The following RBMS3 variants were observed in gnomAD, a reference collection of about 807,000 sequenced individuals.
RBMS3 encodes the protein RNA binding motif single stranded interacting protein 3.
RBMS3 carries 27 observed loss-of-function variants against 66.8 expected under a neutral mutation model. The observed-to-expected ratio is 0.40, with a 90% confidence interval of 0.30 to 0.56. The LOEUF (loss-of-function observed/expected upper bound fraction) is 0.56. Among genes scored for constraint, RBMS3 ranks in the 20% least tolerant of loss-of-function variants. The probability of loss-of-function intolerance (pLI) is 0.40; values close to 1 mark genes in which losing one functional copy is unlikely to be tolerated. For synonymous variants in RBMS3, 188 were observed against 183.0 expected, an observed-to-expected ratio of 1.03 and a Z score of -0.22; for missense variants, 513 against 549.5, an observed-to-expected ratio of 0.93 and a Z score of 0.66.
chr3:29,674,886 A>G (rs1306338524), intron 4 of RBMS3, among the ~76,000 whole-genome samples: 1 of 152,208 alleles, frequency 6.6e-6, no homozygotes, highest in African/African-American at 2.4e-5. Context: ...CTTTCTTCAC[A>G]GAATTGGAAA....
intron 4 of RBMS3, among the ~76,000 whole-genome samples, chr3:29,720,183 C>A (rs556764108): frequency 5.3e-5 from 8 of 152,198 alleles, no homozygotes; most frequent in South Asian, 4.2e-4. Context: ...GCCTGAGAAA[C>A]GTGGCCTTTT....
intron 14 of RBMS3, among the ~76,000 whole-genome samples, chr3:29,997,081 G>A (rs1171301729): frequency 6.6e-6 from 1 of 151,166 alleles, no homozygotes; most frequent in Non-Finnish European, 1.5e-5. Context: ...AATGATAAAG[G>A]GGATATCACC....
intron 1 of RBMS3, among the ~76,000 whole-genome samples, chr3:29,351,096 A>T (rs777898048): frequency 6.6e-5 from 10 of 151,900 alleles, no homozygotes; most frequent in Admixed American, 1.3e-4. Context: ...TCAGTTGTTC[A>T]TTTTGCTTTT....
At chr3:29,726,801 A>G (rs2053898056) in intron 4 of RBMS3, among the ~76,000 whole-genome samples, 1 of 152,324 alleles carries the variant, frequency 6.6e-6, no homozygotes, top group East Asian at 1.9e-4. Flanking sequence ...AAAGTAATTT[A>G]TAGATTCAAT....
chr3:29,448,422 C>T (rs1309831560), intron 2 of RBMS3, among the ~76,000 whole-genome samples: 1 of 152,178 alleles, frequency 6.6e-6, no homozygotes, highest in Non-Finnish European at 1.5e-5. Context: ...GATTTGCTGT[C>T]GGTCTTTAAA....
At chr3:29,664,841 C>T (rs1317393568) in intron 4 of RBMS3, among the ~76,000 whole-genome samples, 3 of 151,966 alleles carry the variant, frequency 2.0e-5, no homozygotes, top group Non-Finnish European at 4.4e-5. Context: ...TATTTCTAAA[C>T]ACCAAATAGA....
At chr3:29,990,276 G>A (rs1228030092) in intron 13 of RBMS3, among the ~76,000 whole-genome samples, 1 of 151,946 alleles carries the variant, frequency 6.6e-6, no homozygotes, top group Non-Finnish European at 1.5e-5. Context: ...AAGAACTTCT[G>A]AAATTTGACA....
chr3:29,422,468 A>G (rs1035082618), intron 1 of RBMS3, among the ~76,000 whole-genome samples: 1 of 151,720 alleles, frequency 6.6e-6, no homozygotes, highest in South Asian at 2.1e-4. Context: ...GGATGTGCCT[A>G]TATTCTTTCG....
intron 1 of RBMS3, among the ~76,000 whole-genome samples, chr3:29,385,909 T>A (rs1257845675): frequency 6.6e-6 from 1 of 152,210 alleles, no homozygotes; most frequent in Non-Finnish European, 1.5e-5. Flanking sequence ...AATCTCATTA[T>A]GAACTATGGC....
chr3:29,910,390 A>G (rs1311145512), intron 10 of RBMS3, among the ~76,000 whole-genome samples: 1 of 152,148 alleles, frequency 6.6e-6, no homozygotes, highest in Admixed American at 6.6e-5. Flanking sequence ...GTCCAAACAT[A>G]TTTAAAACTT....
chr3:29,908,242 C>T (rs1215924155), intron 10 of RBMS3, among the ~76,000 whole-genome samples: 2 of 151,060 alleles, frequency 1.3e-5, no homozygotes, highest in South Asian at 2.1e-4. Context: ...CAAAACAAGA[C>T]CTTGTCTCAA....
intron 8 of RBMS3, among the ~76,000 whole-genome samples, chr3:29,890,600 G>A (rs996870948): frequency 4.0e-5 from 6 of 151,184 alleles, no homozygotes; most frequent in Non-Finnish European, 8.9e-5. Context: ...TCTATCTATA[G>A]TACAGTCTAA....
At chr3:29,831,198 C>G (rs2058361111) in intron 6 of RBMS3, among the ~76,000 whole-genome samples, 1 of 152,130 alleles carries the variant, frequency 6.6e-6, no homozygotes, top group African/African-American at 2.4e-5. Flanking sequence ...TTTACTTTAA[C>G]TCTTATTACA....
chr3:29,988,262 TA>T, intron 13 of RBMS3, 39 bp downstream of exon 13: 1 of 1,524,914 alleles, frequency 6.6e-7, no homozygotes, highest in Non-Finnish European at 9.1e-7. Flanking sequence ...TTAGAAGAAA[TA>T]AATCTCAGTC....
chr3:29,440,702 A>G (rs1482512248), intron 2 of RBMS3, among the ~76,000 whole-genome samples: 1 of 152,186 alleles, frequency 6.6e-6, no homozygotes, highest in Non-Finnish European at 1.5e-5. Flanking sequence ...GCCCAAGCTA[A>G]TCTCCCGGAC....
chr3:29,962,543 T>G (rs1403492820), intron 12 of RBMS3, among the ~76,000 whole-genome samples: 1 of 148,506 alleles, frequency 6.7e-6, no homozygotes, highest in Non-Finnish European at 1.5e-5. Context: ...TTAATATGGG[T>G]CAAGACTCAT....
At chr3:29,852,563 CT>C (rs1280418375) in intron 6 of RBMS3, among the ~76,000 whole-genome samples, 9 of 152,252 alleles carry the variant, frequency 5.9e-5, no homozygotes, top group African/African-American at 2.2e-4. Flanking sequence ...TGAAAAAAAG[CT>C]CATCATCACT....
intron 14 of RBMS3, among the ~76,000 whole-genome samples, chr3:29,994,396 A>C (rs1699081850): frequency 6.6e-6 from 1 of 152,248 alleles, no homozygotes; most frequent in African/African-American, 2.4e-5. Flanking sequence ...TAAACAAAGC[A>C]TCCCGGAAGC....
chr3:29,758,760 T>G (rs1238471479), intron 5 of RBMS3, among the ~76,000 whole-genome samples: 1 of 152,228 alleles, frequency 6.6e-6, no homozygotes, highest in Non-Finnish European at 1.5e-5. Context: ...CATAATTTGT[T>G]TTTGAAATGT....
Sources: allele counts gnomAD v4.1 joint callset (sites outside exome capture counted in the v4.1 genomes callset), GRCh38; gene constraint gnomAD v4.1.1; transcripts MANE v1.5; gene names NCBI Gene and HGNC (gene_info 2026-07-23, HGNC 2026-07-21).